Variants in TMEM132C observed in about 807,000 individuals in gnomAD.
TMEM132C encodes the protein transmembrane protein 132C.
In TMEM132C, 29 loss-of-function variants were observed where a neutral mutation model predicts 61.4. The ratio of observed to expected loss-of-function variants is 0.47; its 90% CI spans 0.35 to 0.64. The LOEUF (loss-of-function observed/expected upper bound fraction) is 0.64, where lower values mean the gene tolerates loss of function less well. TMEM132C is among the 30% of genes least tolerant of loss of function. The probability of loss-of-function intolerance (pLI) is 0.00; values close to 1 mark genes in which losing one functional copy is unlikely to be tolerated. For missense variants in TMEM132C, 1,408 were observed against 1,476.9 expected (o/e 0.95, Z 0.76); for synonymous variants, 656 against 633.1 (o/e 1.04, Z -0.54).
At chr12:128,517,407 C>T (rs1443253068) in intron 2 of TMEM132C, among the ~76,000 whole-genome samples, 1 of 152,106 alleles carries the variant, frequency 6.6e-6, no homozygotes, top group Admixed American at 6.6e-5. Flanking sequence ...TGCACTTCAG[C>T]CTGGGCAACA....
intron 3 of TMEM132C, among the ~76,000 whole-genome samples, chr12:128,564,067 G>A (rs1474939371): frequency 1.3e-5 from 2 of 152,210 alleles, no homozygotes; most frequent in Non-Finnish European, 2.9e-5. Context: ...CCTGTTGTCT[G>A]AGGAGGGCTG....
chr12:128,643,141 C>G (rs1478546026), intron 4 of TMEM132C, among the ~76,000 whole-genome samples: 1 of 152,120 alleles, frequency 6.6e-6, no homozygotes, highest in African/African-American at 2.4e-5. Context: ...CTTTTTCTTT[C>G]CCCAGAGGCT....
chr12:128,416,663 G>GT (rs1868790380), intron 2 of TMEM132C, among the ~76,000 whole-genome samples: 1 of 152,048 alleles, frequency 6.6e-6, no homozygotes, highest in South Asian at 2.1e-4. Context: ...TATTTTTAAA[G>GT]TTTTTTGTTT....
At chr12:128,425,053 G>T (rs935025137) in intron 2 of TMEM132C, among the ~76,000 whole-genome samples, 1 of 152,196 alleles carries the variant, frequency 6.6e-6, no homozygotes, top group African/African-American at 2.4e-5. Flanking sequence ...TATATGGCTG[G>T]CCAGGGATAT....
chr12:128,289,981 C>T (rs575442668), intron 1 of TMEM132C, among the ~76,000 whole-genome samples: 1 of 152,302 alleles, frequency 6.6e-6, no homozygotes, highest in South Asian at 2.1e-4. Flanking sequence ...ATATCAGCTG[C>T]TTTTCTTTCC....
At chr12:128,450,405 G>A (rs185724793) in intron 2 of TMEM132C, among the ~76,000 whole-genome samples, 9 of 152,128 alleles carry the variant, frequency 5.9e-5, no homozygotes, top group African/African-American at 1.2e-4. Flanking sequence ...TTGAGATCAG[G>A]GACCCTATGT....
At chr12:128,453,981 A>G (rs1870263550) in intron 2 of TMEM132C, among the ~76,000 whole-genome samples, 1 of 152,210 alleles carries the variant, frequency 6.6e-6, no homozygotes, top group Non-Finnish European at 1.5e-5. Flanking sequence ...GTCAGAAGGT[A>G]CAGAAGGAGG....
intron 2 of TMEM132C, among the ~76,000 whole-genome samples, chr12:128,524,032 A>G (rs11059734): frequency 0.95 from 140,446 of 148,208 alleles, 67,033 homozygotes; most frequent in East Asian, 1. Flanking sequence ...AAAAAAAAAA[A>G]AAAAAGCTTG....
chr12:128,388,463 C>G (rs746374428), intron 1 of TMEM132C, among the ~76,000 whole-genome samples: 2 of 152,282 alleles, frequency 1.3e-5, no homozygotes, highest in Non-Finnish European at 2.9e-5. Context: ...TTCCCTCTCT[C>G]CCTGCCTCTC....
At chr12:128,410,882 C>T (rs1244016152) in intron 1 of TMEM132C, among the ~76,000 whole-genome samples, 2 of 152,094 alleles carry the variant, frequency 1.3e-5, no homozygotes, top group Non-Finnish European at 2.9e-5. Flanking sequence ...CATGTGTTGC[C>T]TTCAGTTTTG....
intron 2 of TMEM132C, among the ~76,000 whole-genome samples, chr12:128,537,658 A>AG (rs1269961239): frequency 6.6e-6 from 1 of 152,202 alleles, no homozygotes; most frequent in Non-Finnish European, 1.5e-5. Context: ...GTGACTATGA[A>AG]GGGGGCACAT....
chr12:128,366,193 G>A (rs568337397), intron 1 of TMEM132C, among the ~76,000 whole-genome samples: 23 of 152,144 alleles, frequency 1.5e-4, no homozygotes, highest in African/African-American at 5.3e-4. Flanking sequence ...TGTGTCGCCC[G>A]CGGCTCTCCT....
At chr12:128,292,920 T>C (rs1407410119) in intron 1 of TMEM132C, among the ~76,000 whole-genome samples, 1 of 128,462 alleles carries the variant, frequency 7.8e-6, no homozygotes, top group Non-Finnish European at 1.7e-5. Context: ...ACATGGTAGG[T>C]CTGTGTTTTC....
chr12:128,274,069 C>A (rs1156709267), intron 1 of TMEM132C, among the ~76,000 whole-genome samples: 1 of 152,158 alleles, frequency 6.6e-6, no homozygotes, highest in Non-Finnish European at 1.5e-5. Flanking sequence ...TTAGAAGTTG[C>A]TGCATTCAAG....
At chr12:128,674,076 C>A (rs773117545) in intron 5 of TMEM132C, among the ~76,000 whole-genome samples, 1 of 152,224 alleles carries the variant, frequency 6.6e-6, no homozygotes, top group Non-Finnish European at 1.5e-5. Context: ...GCAACCATCA[C>A]CATGATCCGA....
chr12:128,339,118 T>A (rs1420172463), intron 1 of TMEM132C, among the ~76,000 whole-genome samples: 1 of 151,978 alleles, frequency 6.6e-6, no homozygotes, highest in Admixed American at 6.6e-5. Context: ...CTTGTTAGAG[T>A]GGGCGTCTGT....
chr12:128,676,547 A>G (rs1025792669), intron 5 of TMEM132C, among the ~76,000 whole-genome samples: 33 of 152,232 alleles, frequency 2.2e-4, no homozygotes, highest in African/African-American at 8.0e-4. Context: ...CATTGTAAAC[A>G]TTTTGGTAAT....
chr12:128,414,027 G>A lies in TMEM132C; in HGVS notation c.86-705G>A, dbSNP rs554284045. 4.6e-5 allele frequency among the ~76,000 whole-genome samples: 7 copies of A among 152,166 alleles called. No homozygotes were observed. In the South Asian group the frequency reaches 6.2e-4, roughly 14 times the overall value. On this transcript the variant is annotated intron_variant, in intron 1 of 8. Coordinates refer to ENST00000435159, the MANE Select transcript of TMEM132C (RefSeq NM_001136103.3). ...CCATTTGAAGTTTGGTCTTATGTACGGTGTGGAGTGTGGATCTACTTTTTT... is the reference window on the plus strand; with the variant it reads ...CCATTTGAAGTTTGGTCTTATGTACAGTGTGGAGTGTGGATCTACTTTTTT...
At chr12:128,690,616 T>C (rs532369208) in intron 5 of TMEM132C, among the ~76,000 whole-genome samples, 1 of 152,320 alleles carries the variant, frequency 6.6e-6, no homozygotes, top group South Asian at 2.1e-4. Context: ...ATTACTGATA[T>C]AACTCTTGCT....
Sources: gnomAD v4.1 joint callset for allele counts (sites outside exome capture counted in the v4.1 genomes callset) on GRCh38, gnomAD v4.1.1 for gene constraint, MANE v1.5 for transcripts, NCBI Gene and HGNC (gene_info 2026-07-23, HGNC 2026-07-21) for gene names.